The following JAM2 variants were observed in gnomAD, a reference collection of about 807,000 sequenced individuals.
JAM2 encodes the protein junctional adhesion molecule 2.
Under a neutral mutation model 42.0 loss-of-function variants are expected in JAM2, and 17 were observed. That is an observed-to-expected ratio of 0.40 (90% CI 0.28 to 0.61). The LOEUF is 0.61. Among genes scored for constraint, JAM2 ranks in the 20% least tolerant of loss-of-function variants. JAM2 has a pLI of 0.37. For synonymous variants in JAM2, 118 were observed against 128.6 expected (o/e 0.92, Z 0.56); for missense variants, 319 against 358.3 (o/e 0.89, Z 0.89).
intron 1 of JAM2, among the ~76,000 whole-genome samples, chr21:25,682,105 A>C (rs576521206): frequency 4.6e-4 from 70 of 152,338 alleles, no homozygotes; most frequent in Admixed American, 3.3e-4. Flanking sequence ...TTATTCAACA[A>C]ACATTTATTG....
chr21:25,641,283 C>T (rs1244522134), intron 1 of JAM2, among the ~76,000 whole-genome samples: 7 of 152,060 alleles, frequency 4.6e-5, no homozygotes. Flanking sequence ...AAGAGTGTGC[C>T]TTTTAGTGTA....
chr21:25,657,434 T>A (rs895246054), intron 1 of JAM2, among the ~76,000 whole-genome samples: 3 of 152,236 alleles, frequency 2.0e-5, no homozygotes, highest in African/African-American at 7.2e-5. Flanking sequence ...AACTCATTAA[T>A]TTTATGAATT....
intron 9 of JAM2, among the ~76,000 whole-genome samples, chr21:25,713,314 ACTTGGACC>A (rs985536806): frequency 3.3e-5 from 5 of 152,150 alleles, no homozygotes; most frequent in African/African-American, 1.2e-4. Flanking sequence ...TAATTTAGAC[ACTTGGACC>A]CTTTGTAAAC....
At chr21:25,698,989 GGA>G (rs530318887) in intron 5 of JAM2, 110 bp downstream of exon 5, 7 of 947,702 alleles carry the variant, frequency 7.4e-6, no homozygotes, top group Non-Finnish European at 1.1e-5. Context: ...CTTGCTAAGT[GGA>G]GAGAGGCAGG....
rs2829877 is a variant in JAM2, at chr21:25,714,732, T to C, written c.*60T>C. 96,746 of 1,125,272 alleles carry C rather than the reference T, an allele frequency of 0.086. 4,556 individuals are homozygous for C. Among genetic ancestry groups the C allele is most frequent in the Middle Eastern group, 0.13 (644 of 4,878 alleles). The allele number at this position is 1,125,272 out of a possible 1,614,324, so 69.7% of individuals were successfully genotyped here. On this transcript the variant is annotated 3_prime_UTR_variant, in exon 10 of 10. Transcript: ENST00000480456. ...TGTTACACAAGTTATTAAACTATTA[T>C]AAAACTCTGCTTTGTCCGACATTTG...
At chr21:25,689,148 C>T (rs2033820630) in intron 2 of JAM2, among the ~76,000 whole-genome samples, 1 of 151,936 alleles carries the variant, frequency 6.6e-6, no homozygotes. Flanking sequence ...TACATTGAGG[C>T]AGTTACACTT....
intron 5 of JAM2, among the ~76,000 whole-genome samples, chr21:25,700,060 C>A (rs2034134029): frequency 6.6e-6 from 1 of 152,074 alleles, no homozygotes; most frequent in Non-Finnish European, 1.5e-5. Context: ...TCTGTTTCCT[C>A]CAGTAAAATA....
At chr21:25,697,009 T>C (rs1157858241) in intron 4 of JAM2, among the ~76,000 whole-genome samples, 1 of 104,676 alleles carries the variant, frequency 9.6e-6, no homozygotes, top group East Asian at 2.1e-4. Context: ...ACACACCTAT[T>C]TTTTTTTTTT....
intron 1 of JAM2, among the ~76,000 whole-genome samples, chr21:25,654,713 C>T (rs1052136347): frequency 6.6e-6 from 1 of 151,830 alleles, no homozygotes; most frequent in Non-Finnish European, 1.5e-5. Flanking sequence ...TTGCCCATCC[C>T]TCCAAAAAAA....
At chr21:25,677,916 G>T (rs1484795757) in intron 1 of JAM2, among the ~76,000 whole-genome samples, 4 of 152,146 alleles carry the variant, frequency 2.6e-5, no homozygotes, top group African/African-American at 9.7e-5. Flanking sequence ...CAATGGTTTG[G>T]CATTGGAATC....
Position 25,699,406 on chromosome 21 carries a change from G to A in JAM2, c.597+527G>A, listed in dbSNP as rs187982085. On this transcript the variant is annotated intron_variant, in intron 5 of 9. Coordinates refer to ENST00000480456, the MANE Select transcript of JAM2 (RefSeq NM_021219.4). ...GAATTAGAAATACCTAGACTACTGA[G>A]TACTACCATGTGCTATAAACTTTAA... is the stretch of plus-strand genomic sequence containing the variant. Among the ~76,000 whole-genome samples the A allele has an allele frequency of 3.9e-3, 589 of 152,198 alleles. 3 individuals are homozygous for A. Among genetic ancestry groups the A allele is most frequent in the Non-Finnish European group, 7.5e-3 (510 of 68,008 alleles).
chr21:25,660,332 C>T (rs887517318), intron 1 of JAM2, among the ~76,000 whole-genome samples: 3 of 152,122 alleles, frequency 2.0e-5, no homozygotes, highest in African/African-American at 7.2e-5. Context: ...CTGTATAAGA[C>T]AAAAACATCC....
At position 25,712,382 on chromosome 21, in the gene JAM2, T is replaced by A. The variant is rs2034401807; in HGVS notation, c.864T>A (p.Asn288Lys). ...CTAAAGCCACGACAATGAGTGAAAA[T>A]GTGAGTATCTTTAAAGCATATTTAT... is the stretch of plus-strand genomic sequence containing the variant. ...SSSKATTMSENDFKHTKSFII is the reference protein window; with the variant it reads ...SSSKATTMSEKDFKHTKSFII The change falls in exon 9 of 10, where the codon AAT becomes AAA. Residue 288 changes from asparagine (N) to lysine (K), a missense_variant and splice_region_variant. Physicochemically the swap from Asn to Lys is moderately conservative, Grantham distance 94. Coordinates refer to ENST00000480456, the MANE Select transcript of JAM2 (RefSeq NM_021219.4). The A allele has an allele frequency of 1.3e-6, 2 of 1,585,736 alleles. No individual in the cohort carries two copies. The highest frequency in any genetic ancestry group is 1.7e-6 in the Non-Finnish European group (2 of 1,155,282).
At chr21:25,642,497 T>C (rs2032474334) in intron 1 of JAM2, among the ~76,000 whole-genome samples, 1 of 152,206 alleles carries the variant, frequency 6.6e-6, no homozygotes, top group Non-Finnish European at 1.5e-5. Context: ...TGGCCACTCC[T>C]ATCATTTATA....
intron 2 of JAM2, among the ~76,000 whole-genome samples, chr21:25,687,394 C>G (rs2033773953): frequency 6.6e-6 from 1 of 152,222 alleles, no homozygotes; most frequent in Non-Finnish European, 1.5e-5. Flanking sequence ...AGGTCTAACT[C>G]TGAAGCCTCT....
At position 25,714,826 on chromosome 21, in the gene JAM2, C is replaced by T. The variant is rs2034451028; in HGVS notation, c.*154C>T. The T allele has an allele frequency of 4.0e-6, 2 of 503,268 alleles. No homozygotes were observed. Among genetic ancestry groups the T allele is most frequent in the Non-Finnish European group, 7.0e-6 (2 of 283,840 alleles). 31.2% of individuals were successfully genotyped at this position (503,268 alleles called of 1,614,324 possible). Reference sequence around the variant, plus strand: ...TTTCATGACTACTAACTCACCTGAACTTGCTATTTTAAACAAATAGTTCTG... The same window carrying T: ...TTTCATGACTACTAACTCACCTGAATTTGCTATTTTAAACAAATAGTTCTG... On this transcript the variant is annotated 3_prime_UTR_variant, in exon 10 of 10. Coordinates refer to ENST00000480456, the MANE Select transcript of JAM2 (RefSeq NM_021219.4).
At chr21:25,696,997 G>A (rs2034051187) in intron 4 of JAM2, among the ~76,000 whole-genome samples, 1 of 149,674 alleles carries the variant, frequency 6.7e-6, no homozygotes, top group African/African-American at 2.5e-5. Context: ...GAGACAACAG[G>A]CACACACCTA....
At chr21:25,640,814 T>TC (rs1427501376) in intron 1 of JAM2, among the ~76,000 whole-genome samples, 1 of 142,716 alleles carries the variant, frequency 7.0e-6, no homozygotes, top group African/African-American at 2.9e-5. Flanking sequence ...TTCTTCTTTC[T>TC]TTCTCTCTCT....
chr21:25,709,086 C>T (rs149329716), intron 7 of JAM2, among the ~76,000 whole-genome samples: 2 of 152,140 alleles, frequency 1.3e-5, no homozygotes, highest in Middle Eastern at 3.4e-3. Flanking sequence ...TTATCTTCCC[C>T]AAAAGCATTC....
Sources: allele counts gnomAD v4.1 joint callset (sites outside exome capture counted in the v4.1 genomes callset), GRCh38; gene constraint gnomAD v4.1.1; transcripts MANE v1.5; gene names NCBI Gene and HGNC (gene_info 2026-07-23, HGNC 2026-07-21).